Variants in ZKSCAN1 observed in about 807,000 individuals in gnomAD.
ZKSCAN1 encodes zinc finger with KRAB and SCAN domains 1, also known as zinc finger protein with KRAB and SCAN domains 1.
A neutral mutation model predicts 51.6 loss-of-function variants in ZKSCAN1; 14 were observed. The ratio of observed to expected loss-of-function variants is 0.27; its 90% CI spans 0.18 to 0.42. The LOEUF (loss-of-function observed/expected upper bound fraction) is 0.42, where lower values mean the gene tolerates loss of function less well. Among genes scored for constraint, ZKSCAN1 ranks in the 10% least tolerant of loss-of-function variants. The pLI is 1.00. For missense variants in ZKSCAN1, 531 were observed against 710.0 expected (o/e 0.75, Z 2.86); for synonymous variants, 263 against 261.5 (o/e 1.01, Z -0.06).
At chr7:100,023,321 T>C (rs1044931337) in intron 1 of ZKSCAN1, 98 bp from the exon 2 acceptor site, 15 of 645,394 alleles carry the variant, frequency 2.3e-5, no homozygotes, top group Non-Finnish European at 3.5e-5. Flanking sequence ...TCAGGAGCGT[T>C]CTGATAGTGC....
Position 100,034,045 on chromosome 7 carries a change from G to C in ZKSCAN1, c.1540G>C (p.Glu514Gln). The change falls in exon 6 of 6, where the codon GAA becomes CAA. Residue 514 changes from glutamate to glutamine, a missense_variant. Coordinates refer to ENST00000324306, the MANE Select transcript of ZKSCAN1 (RefSeq NM_003439.4). ...LILHRRIHTR[E>Q]KPYKCTKCGK... ...TTTGCATCGGAGAATTCACACTCGA[G>C]AAAAGCCCTACAAGTGCACTAAGTG... is the stretch of plus-strand genomic sequence containing the variant. 6.2e-7 allele frequency: 1 copy of C among 1,614,144 alleles called. No homozygotes were observed. Among genetic ancestry groups the C allele is most frequent in the Non-Finnish European group, 8.5e-7 (1 of 1,180,036 alleles).
At chr7:100,026,640 T>C (rs1027696614) in intron 3 of ZKSCAN1, among the ~76,000 whole-genome samples, 3 of 151,724 alleles carry the variant, frequency 2.0e-5, no homozygotes. Flanking sequence ...GCACAAGAAT[T>C]GCTTGAACCT....
In ZKSCAN1 at chr7:100,036,144, T is replaced by G. The variant is rs1283644788; in HGVS notation, c.*1947T>G. 8 of 985,308 alleles carry G rather than the reference T, an allele frequency of 8.1e-6. No homozygotes were observed. The highest frequency in any genetic ancestry group is 9.6e-6 in the Non-Finnish European group (8 of 829,924). The allele number at this position is 985,308 out of a possible 1,614,324, so 61.0% of individuals were successfully genotyped here. The stretch of plus-strand genomic sequence containing the variant: ...GCTAAAACTGCACAGTGGTCATTCT[T>G]TGGCCTCTCCTTGGCTTTATGACTT... On this transcript the variant is annotated 3_prime_UTR_variant, in exon 6 of 6. Coordinates refer to ENST00000324306, the MANE Select transcript of ZKSCAN1 (RefSeq NM_003439.4).
Position 100,034,527 on chromosome 7 carries a change from A to T in ZKSCAN1, c.*330A>T. 9.6e-7 allele frequency: 1 copy of T among 1,036,418 alleles called. No homozygotes were observed. The allele number at this position is 1,036,418 out of a possible 1,614,324, so 64.2% of individuals were successfully genotyped here. A position where few individuals can be genotyped will look rare whatever the true frequency, so the allele number is the denominator to read the frequency against. On this transcript the variant is annotated 3_prime_UTR_variant, in exon 6 of 6. Transcript: ENST00000324306. ...GCACTCTTGGACTCTCGGCAACCAC[A>T]ACATAATAGTTGAAAGATCAAGATT...
chr7:100,031,941 G>T (rs1791125174), intron 5 of ZKSCAN1, among the ~76,000 whole-genome samples: 1 of 152,124 alleles, frequency 6.6e-6, no homozygotes, highest in Non-Finnish European at 1.5e-5. Context: ...TAGCCAGGCG[G>T]GGTGGTGCAG....
intron 3 of ZKSCAN1, chr7:100,024,563 A>G (rs1790736813): frequency 2.3e-6 from 1 of 431,116 alleles, no homozygotes; most frequent in South Asian, 2.5e-5. Context: ...CACTACTCCA[A>G]CCTGGGCAAC....
chr7:100,038,355 C>T lies in ZKSCAN1; in HGVS notation c.*4158C>T, dbSNP rs561150259. The T allele has an allele frequency of 7.0e-5, 69 of 985,296 alleles. No homozygotes were observed. The highest frequency in any genetic ancestry group is 1.2e-4 in the Admixed American group (2 of 16,270). The allele number at this position is 985,296 out of a possible 1,614,324, so 61.0% of individuals were successfully genotyped here. ...GTAGACAAAAAGTCGGTTCACAGAA[C>T]GGAGCAGCGGGGAGAGGAAGGGAAA... On this transcript the variant is annotated 3_prime_UTR_variant, in exon 6 of 6. Coordinates refer to ENST00000324306, the MANE Select transcript of ZKSCAN1 (RefSeq NM_003439.4).
chr7:100,020,007 A>G (rs1210368309), intron 1 of ZKSCAN1, among the ~76,000 whole-genome samples: 1 of 152,172 alleles, frequency 6.6e-6, no homozygotes, highest in Admixed American at 6.5e-5. Context: ...TCAGCCTCTC[A>G]GTTCTTTATA....
At position 100,029,942 on chromosome 7, in the gene ZKSCAN1, C is replaced by T. The variant is rs1791035287; in HGVS notation, c.662C>T (p.Ala221Val). The stretch of plus-strand genomic sequence containing the variant: ...GCGATGGCATCTGCACTATTCACAG[C>T]GGATTCCCAGGTGAGCTGTGGCCCC... ...DQAMASALFT[A>V]DSQAMVKIED... The change falls in exon 4 of 6, where the codon GCG (alanine) becomes GTG (valine). Residue 221 changes from alanine to valine, a missense_variant. By Grantham distance (64) the Ala-to-Val change is moderately conservative (BLOSUM62 0). This residue lies in a region of ZKSCAN1 where 403 missense variants were observed against 490.5 expected (regional missense o/e 0.82). Coordinates refer to ENST00000324306, the MANE Select transcript of ZKSCAN1 (RefSeq NM_003439.4). The T allele has an allele frequency of 1.9e-6, 3 of 1,614,160 alleles. No individual in the cohort carries two copies. Among genetic ancestry groups the T allele is most frequent in the East Asian group, 2.2e-5 (1 of 44,888 alleles).
intron 1 of ZKSCAN1, 74 bp from the exon 2 acceptor site, chr7:100,023,345 C>T (rs1790671521): frequency 1.3e-6 from 1 of 767,620 alleles, no homozygotes; most frequent in Admixed American, 3.1e-5. Context: ...GATGTGCTGC[C>T]TCCTATAAAG....
intron 1 of ZKSCAN1, among the ~76,000 whole-genome samples, chr7:100,021,762 C>G (rs1301338873): frequency 7.9e-6 from 1 of 126,078 alleles, no homozygotes; most frequent in Admixed American, 8.3e-5. Context: ...TTTTCCTTTT[C>G]CTGATAGGGC....
chr7:100,035,808 GC>G lies in ZKSCAN1; in HGVS notation c.*1612del, dbSNP rs1257855082. 1 of 984,126 alleles carries G rather than the reference GC, an allele frequency of 1.0e-6. No homozygotes were observed. The highest frequency in any genetic ancestry group is 1.2e-6 in the Non-Finnish European group (1 of 828,802). The allele number at this position is 984,126 out of a possible 1,614,324, so 61.0% of individuals were successfully genotyped here. ...CATCGTTGTGCGCAGGGTGCAACTG[GC>G]TACCTAGAAGCTGATGGCAGGAGAC... On this transcript the variant is annotated 3_prime_UTR_variant, in exon 6 of 6. Transcript: ENST00000324306.
intron 1 of ZKSCAN1, among the ~76,000 whole-genome samples, chr7:100,021,523 A>G (rs985021906): frequency 4.6e-5 from 7 of 152,156 alleles, no homozygotes; most frequent in African/African-American, 1.7e-4. Context: ...CATTTCATAC[A>G]GCTGTTCCTG....
In ZKSCAN1 at chr7:100,034,418, A is replaced by C; in HGVS notation, c.*221A>C. The C allele has an allele frequency of 7.8e-7, 1 of 1,281,842 alleles. No homozygotes were observed. The highest frequency in any genetic ancestry group is 9.8e-7 in the Non-Finnish European group (1 of 1,017,752). The allele number at this position is 1,281,842 out of a possible 1,614,324, so 79.4% of individuals were successfully genotyped here. ...CTGCAGGGAAAGGCTAATCTTACGG[A>C]TAATCCACGTGAGATTTCCACACAA... On this transcript the variant is annotated 3_prime_UTR_variant, in exon 6 of 6. Transcript: ENST00000324306.
chr7:100,025,814 AGT>A (rs1239213364), intron 3 of ZKSCAN1, among the ~76,000 whole-genome samples: 1 of 152,224 alleles, frequency 6.6e-6, no homozygotes, highest in Admixed American at 6.5e-5. Flanking sequence ...GCCCAGGCAC[AGT>A]GGCTCACGCC....
Position 100,038,208 on chromosome 7 carries a change from T to A in ZKSCAN1, c.*4011T>A. On this transcript the variant is annotated 3_prime_UTR_variant, in exon 6 of 6. Transcript: ENST00000324306. ...GTGTGTGTTTTGTACCTTCAGTCCC[T>A]TGTTATTGTTCCGTATATTACCTGT... is the stretch of plus-strand genomic sequence containing the variant. The A allele has an allele frequency of 1.0e-6, 1 of 985,464 alleles. No individual in the cohort carries two copies. Among genetic ancestry groups the A allele is most frequent in the Non-Finnish European group, 1.2e-6 (1 of 829,942 alleles). 61.0% of individuals were successfully genotyped at this position (985,464 alleles called of 1,614,324 possible). A position where few individuals can be genotyped will look rare whatever the true frequency, so the allele number is the denominator to read the frequency against.
Position 100,041,517 on chromosome 7 carries a change from A to G in ZKSCAN1, c.*7320A>G, listed in dbSNP as rs1347546529. The G allele has an allele frequency of 1.0e-6, 1 of 985,146 alleles. No individual in the cohort carries two copies. Among genetic ancestry groups the G allele is most frequent in the Non-Finnish European group, 1.2e-6 (1 of 829,942 alleles). 61.0% of individuals were successfully genotyped at this position (985,146 alleles called of 1,614,324 possible). ...ATAAGAGAAAAGGCAGCATAATGAA[A>G]TGTGTACACATACATAGTCAGTGGT... On this transcript the variant is annotated 3_prime_UTR_variant, in exon 6 of 6. Coordinates refer to ENST00000324306, the MANE Select transcript of ZKSCAN1 (RefSeq NM_003439.4).
intron 5 of ZKSCAN1, among the ~76,000 whole-genome samples, chr7:100,032,995 A>G (rs1250698333): frequency 1.4e-5 from 2 of 147,532 alleles, no homozygotes; most frequent in Non-Finnish European, 3.0e-5. Flanking sequence ...GTAACAGAGC[A>G]AGACTCCATC....
At position 100,029,748 on chromosome 7, in the gene ZKSCAN1, C is replaced by G. The variant is rs1791020202; in HGVS notation, c.581-113C>G. ...TTGTCTGGAATTCTGTATTTGGGAC[C>G]TAAACACTGAACAGTGAACATGCTG... On this transcript the variant is annotated intron_variant, in intron 3 of 5. Coordinates refer to ENST00000324306, the MANE Select transcript of ZKSCAN1 (RefSeq NM_003439.4). The G allele has an allele frequency of 3.0e-6, 3 of 991,356 alleles. No homozygotes were observed. In the South Asian group the frequency reaches 4.8e-5, roughly 16 times the overall value. 61.4% of individuals were successfully genotyped at this position (991,356 alleles called of 1,614,324 possible). A position where few individuals can be genotyped will look rare whatever the true frequency, so the allele number is the denominator to read the frequency against.
Sources: gnomAD v4.1 joint callset for allele counts (sites outside exome capture counted in the v4.1 genomes callset) on GRCh38, gnomAD v4.1.1 for gene constraint, gnomAD v4.1.1 regional missense constraint, MANE v1.5 for transcripts, NCBI Gene and HGNC (gene_info 2026-07-23, HGNC 2026-07-21) for gene names.